The following RYR3 variants were observed in gnomAD, a reference collection of about 807,000 sequenced individuals.
RYR3 encodes brain ryanodine receptor-calcium release channel.
In RYR3, 207 loss-of-function variants were observed where a neutral mutation model predicts 584.3. The ratio of observed to expected loss-of-function variants is 0.35; its 90% CI spans 0.32 to 0.40. The LOEUF (loss-of-function observed/expected upper bound fraction) is 0.40. Ranked by LOEUF, RYR3 falls within the 10% of genes least tolerant of loss-of-function variation. RYR3 has a pLI of 1.00. For synonymous variants in RYR3, 2,416 were observed against 2,248.5 expected, an observed-to-expected ratio of 1.07 and a Z score of -2.11; for missense variants, 5,616 against 6,089.2, an observed-to-expected ratio of 0.92 and a Z score of 2.59.
chr15:33,431,473 AAG>A (rs1381072902), intron 1 of RYR3, among the ~76,000 whole-genome samples: 4 of 152,306 alleles, frequency 2.6e-5, no homozygotes, highest in South Asian at 2.1e-4. Context: ...TCTGAAAAGG[AAG>A]AGAGGGGCTG....
chr15:33,365,991 A>G (rs894938392), intron 1 of RYR3, among the ~76,000 whole-genome samples: 1 of 152,212 alleles, frequency 6.6e-6, no homozygotes, highest in African/African-American at 2.4e-5. Context: ...AAGGCACTTA[A>G]TAAGGTCTTT....
chr15:33,813,686 T>C (rs910694303), intron 74 of RYR3, 107 bp downstream of exon 74: 9 of 943,814 alleles, frequency 9.5e-6, no homozygotes, highest in Non-Finnish European at 1.5e-5. Flanking sequence ...GAAATTGGAA[T>C]CCTTGGCCTA....
At chr15:33,430,762 G>T (rs1023020324) in intron 1 of RYR3, among the ~76,000 whole-genome samples, 3 of 152,058 alleles carry the variant, frequency 2.0e-5, no homozygotes, top group African/African-American at 7.2e-5. Flanking sequence ...TGCTTATCAC[G>T]TTGCTCATTT....
intron 28 of RYR3, among the ~76,000 whole-genome samples, chr15:33,645,527 A>G (rs898795153): frequency 6.6e-6 from 1 of 152,114 alleles, no homozygotes; most frequent in African/African-American, 2.4e-5. Context: ...CCTAACCGTT[A>G]CTTTAGAAAA....
intron 1 of RYR3, among the ~76,000 whole-genome samples, chr15:33,348,702 C>T (rs1403831047): frequency 6.6e-6 from 1 of 152,066 alleles, no homozygotes; most frequent in African/African-American, 2.4e-5. Context: ...TCTTGAACTC[C>T]TGACCACAAG....
chr15:33,398,347 A>C (rs898788114), intron 1 of RYR3, among the ~76,000 whole-genome samples: 14 of 152,212 alleles, frequency 9.2e-5, no homozygotes, highest in African/African-American at 3.4e-4. Context: ...AAGCAGTGCG[A>C]GGAACTCCTG....
intron 8 of RYR3, among the ~76,000 whole-genome samples, chr15:33,546,780 G>A (rs1216100517): frequency 2.0e-5 from 3 of 151,606 alleles, no homozygotes; most frequent in Non-Finnish European, 2.9e-5. Flanking sequence ...ATTTTGAATC[G>A]ACTCATAATT....
chr15:33,754,670 T>C (rs72715123), intron 57 of RYR3, among the ~76,000 whole-genome samples: 27,186 of 152,162 alleles, frequency 0.18, 2,470 homozygotes, highest in South Asian at 0.26. Context: ...TCTGGACCAG[T>C]TCTGGACCAG....
chr15:33,331,358 T>A (rs531033406), intron 1 of RYR3, among the ~76,000 whole-genome samples: 1 of 152,304 alleles, frequency 6.6e-6, no homozygotes, highest in East Asian at 1.9e-4. Flanking sequence ...TTATAGCTGT[T>A]TAATTCACTA....
At chr15:33,341,524 C>T (rs1191886577) in intron 1 of RYR3, among the ~76,000 whole-genome samples, 2 of 152,166 alleles carry the variant, frequency 1.3e-5, no homozygotes, top group Non-Finnish European at 2.9e-5. Flanking sequence ...TGGAGTTCCT[C>T]ATCTGAACCA....
intron 25 of RYR3, 140 bp downstream of exon 25, chr15:33,634,873 T>C: frequency 1.5e-6 from 1 of 686,366 alleles, no homozygotes; most frequent in Non-Finnish European, 2.4e-6. Flanking sequence ...AATGGTGTGA[T>C]TTTTTTTATT....
At chr15:33,513,189 T>A (rs904171741) in intron 3 of RYR3, among the ~76,000 whole-genome samples, 2 of 152,258 alleles carry the variant, frequency 1.3e-5, no homozygotes, top group African/African-American at 4.8e-5. Context: ...ATTCGCTTTT[T>A]AATAAATACC....
intron 60 of RYR3, among the ~76,000 whole-genome samples, chr15:33,765,650 A>AAAAAAG (rs1319660717): frequency 6.6e-6 from 1 of 151,198 alleles, no homozygotes; most frequent in African/African-American, 2.4e-5. Context: ...AAAAAAAAAA[A>AAAAAAG]AAAAAGAAAA....
chr15:33,748,335 C>T (rs2070953641), intron 54 of RYR3, 75 bp downstream of exon 54: 6 of 1,564,132 alleles, frequency 3.8e-6, no homozygotes, highest in Non-Finnish European at 5.3e-6. Flanking sequence ...CTGCCTGGGG[C>T]ATCGTAGGTG....
At position 33,750,999 on chromosome 15, in the gene RYR3, C is replaced by G. The variant is rs1268786491; in HGVS notation, c.8399+713C>G. ...TTGGTTTTCTGTTTGGTTTTCAGTT[C>G]TTGTGTTAATTTGCTGAGAATGATG... is the stretch of plus-strand genomic sequence containing the variant. On this transcript the variant is annotated intron_variant, in intron 57 of 103. Transcript: ENST00000634891. Among the ~76,000 whole-genome samples the G allele has an allele frequency of 8.9e-4, 136 of 152,234 alleles. 1 individual carries two copies. Among genetic ancestry groups the G allele is most frequent in the Non-Finnish European group, 1.4e-3 (96 of 68,038 alleles).
At chr15:33,459,943 G>T (rs2047877421) in intron 1 of RYR3, among the ~76,000 whole-genome samples, 1 of 152,170 alleles carries the variant, frequency 6.6e-6, no homozygotes, top group South Asian at 2.1e-4. Context: ...TCTAGTCTCG[G>T]TTACAAAAGG....
At chr15:33,541,426 G>A (rs541287852) in intron 7 of RYR3, among the ~76,000 whole-genome samples, 134 of 152,180 alleles carry the variant, frequency 8.8e-4, no homozygotes, top group African/African-American at 2.9e-3. Flanking sequence ...GTCATCCAAC[G>A]TTGTTCAATG....
chr15:33,805,761 G>T (rs1417383656), intron 69 of RYR3, among the ~76,000 whole-genome samples: 1 of 152,106 alleles, frequency 6.6e-6, no homozygotes, highest in Non-Finnish European at 1.5e-5. Context: ...ACAGGCTTGA[G>T]CCACCACACC....
At chr15:33,588,460 C>CT (rs2058965647) in intron 16 of RYR3, among the ~76,000 whole-genome samples, 1 of 152,074 alleles carries the variant, frequency 6.6e-6, no homozygotes, top group Non-Finnish European at 1.5e-5. Context: ...ATTTCCTTTG[C>CT]TTTTTTTATT....
Sources: gnomAD v4.1 joint callset for allele counts (sites outside exome capture counted in the v4.1 genomes callset) on GRCh38, gnomAD v4.1.1 for gene constraint, MANE v1.5 for transcripts, NCBI Gene and HGNC (gene_info 2026-07-23, HGNC 2026-07-21) for gene names.